The following TFCP2L1 variants were observed in gnomAD, a reference collection of about 807,000 sequenced individuals.
TFCP2L1 encodes the protein transcription factor CP2 like 1, also known as transcription factor CP2-like protein 1.
In TFCP2L1, 12 loss-of-function variants were observed where a neutral mutation model predicts 72.2. The observed-to-expected ratio is 0.17, with a 90% confidence interval of 0.11 to 0.27. The LOEUF (loss-of-function observed/expected upper bound fraction) is 0.27. Ranked by LOEUF, TFCP2L1 falls within the 10% of genes least tolerant of loss-of-function variation. TFCP2L1 has a pLI of 1.00. For synonymous variants in TFCP2L1, 260 were observed against 251.0 expected, an observed-to-expected ratio of 1.04 and a Z score of -0.34; for missense variants, 488 against 624.6, an observed-to-expected ratio of 0.78 and a Z score of 2.33.
chr2:121,275,888 G>A (rs190662886), intron 2 of TFCP2L1, among the ~76,000 whole-genome samples: 2 of 152,256 alleles, frequency 1.3e-5, no homozygotes, highest in South Asian at 2.1e-4. Context: ...AAGTCTTAAC[G>A]GTTATAACCC....
intron 2 of TFCP2L1, among the ~76,000 whole-genome samples, chr2:121,278,164 G>C (rs1444108670): frequency 1.3e-5 from 2 of 148,352 alleles, no homozygotes; most frequent in Non-Finnish European, 3.0e-5. Flanking sequence ...AGCCTCCCGA[G>C]TAGCTGGGAC....
chr2:121,271,936 T>C (rs935338429), intron 2 of TFCP2L1, among the ~76,000 whole-genome samples: 2 of 152,210 alleles, frequency 1.3e-5, no homozygotes, highest in South Asian at 2.1e-4. Flanking sequence ...GACGTTTTTT[T>C]CCTCTCCAAG....
At position 121,277,592 on chromosome 2, in the gene TFCP2L1, T is replaced by C. The variant is rs1019046057; in HGVS notation, c.214+3528A>G. On this transcript the variant is annotated intron_variant, in intron 2 of 14. Transcript: ENST00000263707. ...AATCAACATTTCACAGGAAGATTTA[T>C]ATGCAAGGATGTTGTTCATCATAAT... Among the ~76,000 whole-genome samples, 9 of 152,364 alleles carry C rather than the reference T, an allele frequency of 5.9e-5. No individual in the cohort carries two copies. In the South Asian group the frequency reaches 1.7e-3, roughly 28 times the overall value.
rs1000352696 is a variant in TFCP2L1 at position 121,224,081 on chromosome 2, G to A, written c.*260C>T. 2 of 555,348 alleles carry A rather than the reference G, an allele frequency of 3.6e-6. No homozygotes were observed. Among genetic ancestry groups the A allele is most frequent in the African/African-American group, 1.9e-5 (1 of 52,996 alleles). The allele number at this position is 555,348 out of a possible 1,614,324, so 34.4% of individuals were successfully genotyped here. A position where few individuals can be genotyped will look rare whatever the true frequency, so the allele number is the denominator to read the frequency against. On this transcript the variant is annotated 3_prime_UTR_variant, in exon 15 of 15. Transcript: ENST00000263707. ...TTTGCCCTTTTAGAACGTCAGGGTT[G>A]GACCAATAGAAAAGAACAAGGAACC...
At chr2:121,237,327 A>G (rs544283054) in intron 10 of TFCP2L1, among the ~76,000 whole-genome samples, 9 of 152,028 alleles carry the variant, frequency 5.9e-5, no homozygotes, top group African/African-American at 1.9e-4. Flanking sequence ...GGCTAAGGGG[A>G]CTCTTCCTGG....
chr2:121,238,205 C>A lies in TFCP2L1; in HGVS notation c.861-355G>T, dbSNP rs150718881. On this transcript the variant is annotated intron_variant, in intron 8 of 14. Transcript: ENST00000263707. Reference sequence around the variant, plus strand: ...AGCCCCAGCCCCAGGGAAAGGCACGCTGACCAAGGGCACCCAGAGCCTTGG... The same window carrying A: ...AGCCCCAGCCCCAGGGAAAGGCACGATGACCAAGGGCACCCAGAGCCTTGG... 5.9e-5 allele frequency among the ~76,000 whole-genome samples: 9 copies of A among 152,310 alleles called. No individual in the cohort carries two copies. The East Asian group carries it at 1.7e-3, about 30-fold the overall frequency.
At chr2:121,233,088 C>G (rs1686177667) in intron 12 of TFCP2L1, among the ~76,000 whole-genome samples, 1 of 152,186 alleles carries the variant, frequency 6.6e-6, no homozygotes, top group Non-Finnish European at 1.5e-5. Flanking sequence ...GTGGCCAAGG[C>G]AGGCGGATTT....
chr2:121,272,053 C>G (rs1687058491), intron 2 of TFCP2L1, among the ~76,000 whole-genome samples: 1 of 152,178 alleles, frequency 6.6e-6, no homozygotes, highest in Admixed American at 6.5e-5. Flanking sequence ...ACCGAAGTGC[C>G]TGGCCTAGAA....
rs1208696633 is a variant in TFCP2L1, at chr2:121,218,276, T to C, written c.*6065A>G. ...AGTACATATTTTTGGTAAATACATG[T>C]CTACTAAAAATAAGAATTTTTTTTT... On this transcript the variant is annotated 3_prime_UTR_variant, in exon 15 of 15. Coordinates refer to ENST00000263707, the MANE Select transcript of TFCP2L1 (RefSeq NM_014553.3). The C allele has an allele frequency of 2.0e-5, 3 of 152,162 alleles. No homozygotes were observed. Among genetic ancestry groups the C allele is most frequent in the Non-Finnish European group, 4.4e-5 (3 of 68,038 alleles). 9.4% of individuals were successfully genotyped at this position (152,162 alleles called of 1,614,324 possible).
chr2:121,254,802 C>CA lies in TFCP2L1; in HGVS notation c.215-5156dup, dbSNP rs35562172. On this transcript the variant is annotated intron_variant, in intron 2 of 14. Transcript: ENST00000263707. ...TGGGGGAGAGAGCGAGACTCCGTTT[C>CA]AAAAAAAAAAAAAAGGAAGAAATCC... Among the ~76,000 whole-genome samples, 313 of 121,232 alleles carry CA rather than the reference C, an allele frequency of 2.6e-3. 2 individuals are homozygous for CA. Among genetic ancestry groups the CA allele is most frequent in the African/African-American group, 5.0e-3 (167 of 33,122 alleles). 79.5% of individuals were successfully genotyped at this position (121,232 alleles called of 152,430 possible).
chr2:121,221,591 T>C lies in TFCP2L1; in HGVS notation c.*2750A>G, dbSNP rs1161594321. On this transcript the variant is annotated 3_prime_UTR_variant, in exon 15 of 15. Coordinates refer to ENST00000263707, the MANE Select transcript of TFCP2L1 (RefSeq NM_014553.3). ...GAAGCTGGACCCCTACATCACATCA[T>C]ATATAAAAATATACTCGAAATGGAT... 6.6e-6 allele frequency: 1 copy of C among 152,136 alleles called. No homozygotes were observed. Among genetic ancestry groups the C allele is most frequent in the Non-Finnish European group, 1.5e-5 (1 of 68,028 alleles). The allele number at this position is 152,136 out of a possible 1,614,324, so 9.4% of individuals were successfully genotyped here. A position where few individuals can be genotyped will look rare whatever the true frequency, so the allele number is the denominator to read the frequency against.
chr2:121,253,044 C>G (rs555272517), intron 2 of TFCP2L1, among the ~76,000 whole-genome samples: 1 of 152,236 alleles, frequency 6.6e-6, no homozygotes, highest in Admixed American at 6.5e-5. Flanking sequence ...ATGCCAAATG[C>G]GGTGGGTGGG....
rs754537169 is a variant in TFCP2L1 at position 121,224,372 on chromosome 2, C to G, written c.1409G>C (p.Gly470Ala). ...TCCACATTTCAGGATGATGTGGTAG[C>G]CATCATTGCTCTCAGCTGCAAGAGA... is the stretch of plus-strand genomic sequence containing the variant. ...LSTIKAESND[G>A]YHIILKCGL Residue 470 changes from glycine (G) to alanine (A), a missense_variant, in exon 15 of 15, where the codon GGC becomes GCC. Gly to Ala is a moderately conservative substitution (Grantham distance 60). Transcript: ENST00000263707. The G allele has an allele frequency of 1.5e-5, 25 of 1,613,848 alleles. No individual in the cohort carries two copies. The African/African-American group carries it at 2.1e-4, about 14-fold the overall frequency.
chr2:121,238,747 C>T (rs1188805451), intron 8 of TFCP2L1, among the ~76,000 whole-genome samples: 1 of 151,880 alleles, frequency 6.6e-6, no homozygotes, highest in Non-Finnish European at 1.5e-5. Flanking sequence ...GGAGTTACCC[C>T]CAAAAAGGTA....
intron 1 of TFCP2L1, among the ~76,000 whole-genome samples, chr2:121,283,138 G>A (rs1490844794): frequency 2.6e-5 from 4 of 152,174 alleles, no homozygotes; most frequent in Non-Finnish European, 5.9e-5. Context: ...CGGGTGGGCA[G>A]AGGAAGTTAA....
intron 2 of TFCP2L1, among the ~76,000 whole-genome samples, chr2:121,251,105 C>T (rs1293277620): frequency 6.6e-6 from 1 of 151,464 alleles, no homozygotes; most frequent in Non-Finnish European, 1.5e-5. Flanking sequence ...ACTAAAAATA[C>T]AAAAATTAGC....
chr2:121,240,333 G>C (rs546297827), intron 7 of TFCP2L1: 1 of 985,342 alleles, frequency 1.0e-6, no homozygotes, highest in East Asian at 1.1e-4. Context: ...AGGGTTTACA[G>C]GTTTTGTCTG....
chr2:121,279,491 G>A (rs796978717), intron 2 of TFCP2L1, among the ~76,000 whole-genome samples: 5 of 152,308 alleles, frequency 3.3e-5, no homozygotes, highest in African/African-American at 7.2e-5. Context: ...CAGCAGAGCT[G>A]CCCTTGGGGA....
At position 121,222,980 on chromosome 2, in the gene TFCP2L1, A is replaced by G. The variant is rs960210202; in HGVS notation, c.*1361T>C. 1.3e-5 allele frequency: 2 copies of G among 152,174 alleles called. No individual in the cohort carries two copies. The highest frequency in any genetic ancestry group is 2.1e-4 in the South Asian group (1 of 4,822). The allele number at this position is 152,174 out of a possible 1,614,324, so 9.4% of individuals were successfully genotyped here. ...AAATTTATATCGCTACCCTATCACTATGTGCTACCATGCAGGTGACTTTGC... is the reference window on the plus strand; with the variant it reads ...AAATTTATATCGCTACCCTATCACTGTGTGCTACCATGCAGGTGACTTTGC... On this transcript the variant is annotated 3_prime_UTR_variant, in exon 15 of 15. Transcript: ENST00000263707.
Sources: allele counts gnomAD v4.1 joint callset (sites outside exome capture counted in the v4.1 genomes callset), GRCh38; gene constraint gnomAD v4.1.1; transcripts MANE v1.5; gene names NCBI Gene and HGNC (gene_info 2026-07-23, HGNC 2026-07-21).